KRABD5: variants seen among roughly 807,000 people sequenced by gnomAD.
KRABD5 encodes the protein KRAB domain-containing protein 5.
chr16:31,756,121 A>G, the KRABD5 span: 1 of 152,582 alleles, frequency 6.6e-6, no homozygotes, highest in African/African-American at 2.4e-5. Context: ...ATAAAAACAT[A>G]TAGTCTATTT....
chr16:31,751,817 A>AT, the KRABD5 span, among the ~76,000 whole-genome samples: 1 of 151,956 alleles, frequency 6.6e-6, no homozygotes, highest in East Asian at 1.9e-4. Flanking sequence ...TGCTCAGCTT[A>AT]TTTTTCTTTT....
At chr16:31,734,425 A>C in the KRABD5 span, among the ~76,000 whole-genome samples, 2 of 151,860 alleles carry the variant, frequency 1.3e-5, no homozygotes, top group African/African-American at 2.4e-5. Context: ...TAATTTTAAA[A>C]AATTTTTGCA....
the KRABD5 span, chr16:31,759,419 A>G: frequency 2.6e-6 from 4 of 1,536,354 alleles, no homozygotes; most frequent in Non-Finnish European, 3.5e-6. Context: ...AAAGGACCAA[A>G]GACAAGTGAA....
chr16:31,714,405 C>T, the KRABD5 span: 1 of 456,252 alleles, frequency 2.2e-6, no homozygotes, highest in East Asian at 6.9e-5. Context: ...CTGCTCCTGT[C>T]CCTTCAGTTG....
the KRABD5 span, chr16:31,722,533 A>T: frequency 6.8e-7 from 1 of 1,460,660 alleles, no homozygotes; most frequent in South Asian, 1.2e-5. Flanking sequence ...TAAATCAGTC[A>T]GTTTTCTTAG....
the KRABD5 span, chr16:31,759,443 A>G: frequency 4.5e-5 from 69 of 1,529,730 alleles, no homozygotes; most frequent in Non-Finnish European, 5.9e-5. Flanking sequence ...TCTGAGGGTG[A>G]TGAAAGTGTT....
chr16:31,759,125 A>G, the KRABD5 span: 1 of 397,844 alleles, frequency 2.5e-6, no homozygotes, highest in Non-Finnish European at 4.8e-6. Flanking sequence ...ATAATTATAA[A>G]ATATTTATTT....
At chr16:31,760,620 C>CGT in the KRABD5 span, 1 of 150,572 alleles carries the variant, frequency 6.6e-6, no homozygotes, top group African/African-American at 2.4e-5. Flanking sequence ...TTGGAAATTG[C>CGT]AGCAGGAGGA....
the KRABD5 span, among the ~76,000 whole-genome samples, chr16:31,735,044 C>T: frequency 0.014 from 2,068 of 152,142 alleles, 59 homozygotes; most frequent in African/African-American, 0.048. Flanking sequence ...CCACTGTGCC[C>T]TGCCCGCCTG....
At chr16:31,722,184 C>T in the KRABD5 span, among the ~76,000 whole-genome samples, 1 of 152,128 alleles carries the variant, frequency 6.6e-6, no homozygotes, top group Non-Finnish European at 1.5e-5. Flanking sequence ...AGTGATTCTC[C>T]TGCCTCAGGT....
At chr16:31,756,848 C>A in the KRABD5 span, 1 of 152,136 alleles carries the variant, frequency 6.6e-6, no homozygotes, top group African/African-American at 2.4e-5. Context: ...TGAAAGAGAA[C>A]TATACAGGCA....
At chr16:31,743,316 G>T in the KRABD5 span, among the ~76,000 whole-genome samples, 5 of 152,080 alleles carry the variant, frequency 3.3e-5, no homozygotes, top group Admixed American at 3.3e-4. Flanking sequence ...CAAGAAAAGG[G>T]TCTAGTTTCT....
chr16:31,752,103 A>AG, the KRABD5 span, among the ~76,000 whole-genome samples: 1 of 152,088 alleles, frequency 6.6e-6, no homozygotes, highest in East Asian at 1.9e-4. Flanking sequence ...TTTTTATTCT[A>AG]TTTTAGTCCA....
the KRABD5 span, among the ~76,000 whole-genome samples, chr16:31,749,334 G>A: frequency 3.9e-5 from 6 of 152,222 alleles, no homozygotes; most frequent in Non-Finnish European, 7.3e-5. Flanking sequence ...AGCACAGCCT[G>A]GAGCTATAGA....
chr16:31,747,339 A>G, the KRABD5 span, among the ~76,000 whole-genome samples: 19 of 152,060 alleles, frequency 1.2e-4, no homozygotes, highest in Admixed American at 1.2e-3. Context: ...TTATGGCTGC[A>G]TAGTATTCCA....
the KRABD5 span, among the ~76,000 whole-genome samples, chr16:31,738,252 CTTT>C: frequency 5.9e-5 from 9 of 152,018 alleles, no homozygotes; most frequent in Non-Finnish European, 8.8e-5. Flanking sequence ...CCTTATTGAT[CTTT>C]TGTCTCTTAT....
At chr16:31,720,497 C>G in the KRABD5 span, among the ~76,000 whole-genome samples, 3 of 152,180 alleles carry the variant, frequency 2.0e-5, no homozygotes, top group African/African-American at 4.8e-5. Context: ...TTAAGTGATT[C>G]TCAGCTCAGG....
At chr16:31,735,536 A>G in the KRABD5 span, among the ~76,000 whole-genome samples, 1 of 152,112 alleles carries the variant, frequency 6.6e-6, no homozygotes, top group Non-Finnish European at 1.5e-5. Flanking sequence ...AACAGTATAT[A>G]TGTGTTCCTT....
chr16:31,718,231 A>C, the KRABD5 span, among the ~76,000 whole-genome samples: 92,259 of 151,862 alleles, frequency 0.61, 29,051 homozygotes, highest in Middle Eastern at 0.73. Context: ...AGAATTCCTG[A>C]GGGGCTGTCT....
Sources: gnomAD v4.1 joint callset for allele counts (sites outside exome capture counted in the v4.1 genomes callset) on GRCh38, gnomAD v4.1.1 for gene constraint, MANE v1.5 for transcripts, NCBI Gene and HGNC (gene_info 2026-07-23, HGNC 2026-07-21) for gene names.